DIP2B: variants seen among roughly 807,000 people sequenced by gnomAD.
DIP2B encodes the protein DIP2 acetate--CoA ligase B (putative).
Under a neutral mutation model 198.0 loss-of-function variants are expected in DIP2B, and 76 were observed. That is an observed-to-expected ratio of 0.38 (90% confidence interval 0.32 to 0.46). The LOEUF (loss-of-function observed/expected upper bound fraction) is 0.46. Among genes scored for constraint, DIP2B ranks in the 20% least tolerant of loss-of-function variants. DIP2B has a pLI of 0.99. For missense variants in DIP2B, 1,559 were observed against 1,978.4 expected (o/e 0.79, Z 4.02); for synonymous variants, 701 against 739.1 (o/e 0.95, Z 0.84).
At chr12:50,531,238 TG>T (rs1176428755) in intron 1 of DIP2B, among the ~76,000 whole-genome samples, 3 of 152,012 alleles carry the variant, frequency 2.0e-5, no homozygotes, top group Non-Finnish European at 4.4e-5. Flanking sequence ...TTAGTAGAGA[TG>T]GGGTTTCACC....
At chr12:50,742,394 C>CAGAAA (rs1940262023) in intron 37 of DIP2B, among the ~76,000 whole-genome samples, 1 of 47,494 alleles carries the variant, frequency 2.1e-5, no homozygotes, top group African/African-American at 1.1e-4. Flanking sequence ...GAGACTGTCT[C>CAGAAA]AAAAAAAAAA....
At chr12:50,568,080 C>A (rs899723858) in intron 1 of DIP2B, among the ~76,000 whole-genome samples, 3 of 152,074 alleles carry the variant, frequency 2.0e-5, no homozygotes, top group Admixed American at 1.3e-4. Context: ...TTGTTCTCAC[C>A]TTCTGTAGAT....
At position 50,576,105 on chromosome 12, in the gene DIP2B, T is replaced by C. The variant is rs544987414; in HGVS notation, c.101-49871T>C. The stretch of plus-strand genomic sequence containing the variant: ...TTTTTTTGAGACGGAGTTTTGCTCT[T>C]GTTGCCCAGGCTGGAGTGCAGTGGC... On this transcript the variant is annotated intron_variant, in intron 1 of 37. Coordinates refer to ENST00000301180, the MANE Select transcript of DIP2B (RefSeq NM_173602.3). Among the ~76,000 whole-genome samples the C allele has an allele frequency of 2.4e-4, 37 of 151,552 alleles. 1 individual carries two copies. In the South Asian group the frequency reaches 7.5e-3, roughly 31 times the overall value.
intron 17 of DIP2B, among the ~76,000 whole-genome samples, chr12:50,697,470 A>G (rs1939333319): frequency 6.7e-6 from 1 of 148,154 alleles, no homozygotes. Flanking sequence ...GTATATCTAT[A>G]GTATATTCAA....
At chr12:50,562,506 C>G (rs1327674866) in intron 1 of DIP2B, among the ~76,000 whole-genome samples, 2 of 151,856 alleles carry the variant, frequency 1.3e-5, no homozygotes, top group Non-Finnish European at 2.9e-5. Flanking sequence ...AAACCGAGGG[C>G]AGTGGATTGC....
chr12:50,577,647 A>G (rs1371072226), intron 1 of DIP2B, among the ~76,000 whole-genome samples: 2 of 151,560 alleles, frequency 1.3e-5, no homozygotes, highest in Non-Finnish European at 2.9e-5. Context: ...AGAAATAACT[A>G]TATTTTCTAA....
At chr12:50,616,099 G>A (rs1407397044) in intron 1 of DIP2B, among the ~76,000 whole-genome samples, 2 of 152,204 alleles carry the variant, frequency 1.3e-5, no homozygotes, top group African/African-American at 4.8e-5. Flanking sequence ...TGGTGCCTTA[G>A]GTGAAATACC....
At chr12:50,651,639 A>G (rs1022368639) in intron 3 of DIP2B, among the ~76,000 whole-genome samples, 3 of 145,848 alleles carry the variant, frequency 2.1e-5, no homozygotes, top group African/African-American at 4.9e-5. Flanking sequence ...TTGACCTTCT[A>G]TGTGAGGGTA....
In DIP2B at chr12:50,588,233, C is replaced by G. The variant is rs143043085; in HGVS notation, c.101-37743C>G. 5.5e-3 allele frequency among the ~76,000 whole-genome samples: 833 copies of G among 151,988 alleles called. 3 individuals carry two copies. Among genetic ancestry groups the G allele is most frequent in the Middle Eastern group, 0.017 (5 of 294 alleles). On this transcript the variant is annotated intron_variant, in intron 1 of 37. Coordinates refer to ENST00000301180, the MANE Select transcript of DIP2B (RefSeq NM_173602.3). The stretch of plus-strand genomic sequence containing the variant: ...GTGGTGCGATCTTGGCTCACTGCAA[C>G]CTCCGCCTCCCAGGTTCAAGTGATT...
intron 1 of DIP2B, among the ~76,000 whole-genome samples, chr12:50,544,030 C>T (rs899846168): frequency 6.6e-6 from 1 of 150,394 alleles, no homozygotes; most frequent in East Asian, 2.0e-4. Context: ...GACATCGAGA[C>T]CATCCTGGCC....
Position 50,717,586 on chromosome 12 carries a change from C to T in DIP2B, c.2852-1123C>T, listed in dbSNP as rs565322853. ...GTTTCACCGCGTTAGCCGGGATGGT[C>T]TCGGTCTCCTGACCTTGTGATCCGC... On this transcript the variant is annotated intron_variant, in intron 23 of 37. Coordinates refer to ENST00000301180, the MANE Select transcript of DIP2B (RefSeq NM_173602.3). Among the ~76,000 whole-genome samples, 5 of 152,066 alleles carry T rather than the reference C, an allele frequency of 3.3e-5. No individual in the cohort carries two copies. In the South Asian group the frequency reaches 1.0e-3, roughly 32 times the overall value.
chr12:50,636,986 G>A (rs535329367), intron 2 of DIP2B, among the ~76,000 whole-genome samples: 151 of 152,244 alleles, frequency 9.9e-4, no homozygotes, highest in Admixed American at 1.5e-3. Context: ...TAGGCGGTGA[G>A]GTTAATCACC....
At chr12:50,694,539 A>G (rs973788509) in intron 14 of DIP2B, among the ~76,000 whole-genome samples, 4 of 107,090 alleles carry the variant, frequency 3.7e-5, no homozygotes, top group Admixed American at 2.7e-4. Context: ...ATACATACAT[A>G]CATACATACA....
chr12:50,524,976 T>C (rs1297375430), intron 1 of DIP2B, among the ~76,000 whole-genome samples: 1 of 152,292 alleles, frequency 6.6e-6, no homozygotes, highest in African/African-American at 2.4e-5. Context: ...TCCTCTTGCC[T>C]TGGTGCCCTG....
At chr12:50,552,842 T>A (rs1029239405) in intron 1 of DIP2B, among the ~76,000 whole-genome samples, 1 of 152,120 alleles carries the variant, frequency 6.6e-6, no homozygotes, top group African/African-American at 2.4e-5. Flanking sequence ...AGGTCTTTAA[T>A]CTATTTTGAG....
intron 1 of DIP2B, among the ~76,000 whole-genome samples, chr12:50,572,111 T>G (rs936717771): frequency 7.9e-5 from 12 of 152,360 alleles, no homozygotes; most frequent in African/African-American, 2.9e-4. Flanking sequence ...TATATTTGTC[T>G]TCATTCATTT....
intron 5 of DIP2B, among the ~76,000 whole-genome samples, chr12:50,673,490 T>C (rs575631780): frequency 6.6e-6 from 1 of 152,306 alleles, no homozygotes; most frequent in East Asian, 1.9e-4. Flanking sequence ...AGTTTCTCCA[T>C]GTTAAGAATC....
intron 1 of DIP2B, among the ~76,000 whole-genome samples, chr12:50,605,780 T>TTTGGC: frequency 6.6e-6 from 1 of 152,180 alleles, no homozygotes; most frequent in Non-Finnish European, 1.5e-5. Context: ...AGTACTTCAT[T>TTTGGC]CATTTTTCTC....
chr12:50,598,661 C>T (rs1372227187), intron 1 of DIP2B, among the ~76,000 whole-genome samples: 1 of 149,792 alleles, frequency 6.7e-6, no homozygotes, highest in East Asian at 2.0e-4. Flanking sequence ...TTTATTCTTT[C>T]TTTCAGTTGC....
Sources: gnomAD v4.1 joint callset for allele counts (sites outside exome capture counted in the v4.1 genomes callset) on GRCh38, gnomAD v4.1.1 for gene constraint, MANE v1.5 for transcripts, NCBI Gene and HGNC (gene_info 2026-07-23, HGNC 2026-07-21) for gene names.